DPP10: variants seen among roughly 807,000 people sequenced by gnomAD.
DPP10 encodes the protein inactive dipeptidyl peptidase 10.
Under a neutral mutation model 120.9 loss-of-function variants are expected in DPP10, and 33 were observed. That is an observed-to-expected ratio of 0.27 (90% CI 0.21 to 0.37). The LOEUF is 0.37. Ranked by LOEUF, DPP10 falls within the 10% of genes least tolerant of loss-of-function variation. DPP10 has a pLI of 1.00. For missense variants in DPP10, 816 were observed against 942.8 expected (o/e 0.87, Z 1.76); for synonymous variants, 337 against 326.1 (o/e 1.03, Z -0.36).
At chr2:114,813,069 T>G (rs2106328673) in intron 1 of DPP10, among the ~76,000 whole-genome samples, 1 of 152,306 alleles carries the variant, frequency 6.6e-6, no homozygotes, top group East Asian at 1.9e-4. Context: ...TACAGGAAGC[T>G]CCTCATCTTC....
chr2:114,956,277 A>G (rs950971946), intron 1 of DPP10, among the ~76,000 whole-genome samples: 11 of 152,136 alleles, frequency 7.2e-5, no homozygotes, highest in Admixed American at 5.2e-4. Flanking sequence ...AAAAATCAGT[A>G]ACATTCCTTT....
At chr2:115,719,785 G>A (rs1359042656) in intron 7 of DPP10, among the ~76,000 whole-genome samples, 1 of 151,950 alleles carries the variant, frequency 6.6e-6, no homozygotes, top group Non-Finnish European at 1.5e-5. Flanking sequence ...GTTTATATTA[G>A]CATGCATGCA....
chr2:115,411,777 G>A (rs1007914430), intron 3 of DPP10, among the ~76,000 whole-genome samples: 2 of 152,072 alleles, frequency 1.3e-5, no homozygotes, highest in Non-Finnish European at 2.9e-5. Context: ...TATCTTCTTG[G>A]GCAAGTTTCC....
intron 1 of DPP10, among the ~76,000 whole-genome samples, chr2:114,888,397 T>C (rs1339018456): frequency 6.6e-6 from 1 of 152,062 alleles, no homozygotes; most frequent in Non-Finnish European, 1.5e-5. Context: ...GTACAATTAA[T>C]AGTGATATTG....
At chr2:115,129,738 A>G (rs185142058) in intron 1 of DPP10, among the ~76,000 whole-genome samples, 239 of 152,250 alleles carry the variant, frequency 1.6e-3, no homozygotes, top group African/African-American at 5.3e-3. Context: ...TACTTCTCAT[A>G]GTGTTGTCAG....
At chr2:115,257,862 GTA>G (rs2059075119) in intron 1 of DPP10, among the ~76,000 whole-genome samples, 1 of 152,144 alleles carries the variant, frequency 6.6e-6, no homozygotes, top group Non-Finnish European at 1.5e-5. Flanking sequence ...TTTCAAGTCA[GTA>G]ATGTCAACAG....
chr2:114,857,715 G>T (rs1689482036), intron 1 of DPP10, among the ~76,000 whole-genome samples: 1 of 152,176 alleles, frequency 6.6e-6, no homozygotes, highest in Non-Finnish European at 1.5e-5. Context: ...TTGCACTAAT[G>T]TAGTACGAAG....
chr2:114,733,503 T>G (rs1013571910), intron 1 of DPP10, among the ~76,000 whole-genome samples: 1 of 152,156 alleles, frequency 6.6e-6, no homozygotes, highest in African/African-American at 2.4e-5. Flanking sequence ...CATAATAATA[T>G]CAAGTAAGAA....
At chr2:114,958,550 A>G (rs2104697959) in intron 1 of DPP10, among the ~76,000 whole-genome samples, 1 of 152,332 alleles carries the variant, frequency 6.6e-6, no homozygotes, top group East Asian at 1.9e-4. Flanking sequence ...AAAAAAGTTG[A>G]TAAGCATGTG....
intron 5 of DPP10, among the ~76,000 whole-genome samples, chr2:115,636,329 G>C (rs2149334728): frequency 6.6e-6 from 1 of 152,254 alleles, no homozygotes; most frequent in Non-Finnish European, 1.5e-5. Flanking sequence ...GAAATGCAAT[G>C]CATGAAGTTG....
intron 7 of DPP10, among the ~76,000 whole-genome samples, chr2:115,726,951 A>T (rs901543099): frequency 6.9e-4 from 26 of 37,948 alleles, no homozygotes; most frequent in African/African-American, 5.4e-3. Context: ...GCCCTGGACA[A>T]TGTTGTGCTT....
intron 13 of DPP10, among the ~76,000 whole-genome samples, chr2:115,769,547 A>G (rs577473944): frequency 2.6e-5 from 4 of 152,084 alleles, no homozygotes; most frequent in Non-Finnish European, 5.9e-5. Flanking sequence ...TACAATTTCC[A>G]CAGTACAGAT....
intron 3 of DPP10, among the ~76,000 whole-genome samples, chr2:115,491,848 G>T: frequency 6.6e-6 from 1 of 152,140 alleles, no homozygotes; most frequent in East Asian, 1.9e-4. Flanking sequence ...TTTGCTAAAG[G>T]CAAGCCATAG....
intron 5 of DPP10, among the ~76,000 whole-genome samples, chr2:115,676,809 A>G (rs892062709): frequency 6.6e-6 from 1 of 152,216 alleles, no homozygotes; most frequent in East Asian, 1.9e-4. Flanking sequence ...CAATTCTTGG[A>G]AGATGTGTGG....
chr2:115,482,915 A>G (rs960902202), intron 3 of DPP10, among the ~76,000 whole-genome samples: 12 of 152,022 alleles, frequency 7.9e-5, no homozygotes, highest in Middle Eastern at 3.2e-3. Flanking sequence ...CATCCAGTTT[A>G]TATATGAATT....
intron 1 of DPP10, chr2:115,050,354 C>T (rs1340502580): frequency 1.3e-5 from 2 of 151,990 alleles, no homozygotes; most frequent in East Asian, 1.9e-4. Flanking sequence ...CAAAACAGAC[C>T]TCGCTCACAA....
intron 3 of DPP10, among the ~76,000 whole-genome samples, chr2:115,472,378 T>G (rs931436225): frequency 6.6e-6 from 1 of 152,198 alleles, no homozygotes; most frequent in Non-Finnish European, 1.5e-5. Context: ...TTAAAAAATT[T>G]CAAGTAGATA....
chr2:115,565,449 T>G (rs867452965), intron 5 of DPP10, among the ~76,000 whole-genome samples: 5 of 152,110 alleles, frequency 3.3e-5, no homozygotes, highest in Admixed American at 2.0e-4. Context: ...TCATAATACA[T>G]TGATAAAAAA....
intron 5 of DPP10, among the ~76,000 whole-genome samples, chr2:115,545,309 G>A (rs1334446054): frequency 2.6e-5 from 4 of 152,130 alleles, no homozygotes; most frequent in Non-Finnish European, 2.9e-5. Context: ...GAGGAAATGC[G>A]GTAGGTAATA....
Sources: allele counts gnomAD v4.1 joint callset (sites outside exome capture counted in the v4.1 genomes callset), GRCh38; gene constraint gnomAD v4.1.1; transcripts MANE v1.5; gene names NCBI Gene and HGNC (gene_info 2026-07-23, HGNC 2026-07-21).